The following RBMS1 variants were observed in gnomAD, a reference collection of about 807,000 sequenced individuals.
RBMS1 encodes the protein RNA binding motif single stranded interacting protein 1.
Under a neutral mutation model 62.3 loss-of-function variants are expected in RBMS1, and 17 were observed. That is an observed-to-expected ratio of 0.27 (90% confidence interval 0.19 to 0.41). RBMS1 has a LOEUF of 0.41. RBMS1 is among the 10% of genes least tolerant of loss of function. The pLI, the probability that RBMS1 is intolerant of heterozygous loss-of-function variation, is 1.00. For synonymous variants in RBMS1, 172 were observed against 170.0 expected, an observed-to-expected ratio of 1.01 and a Z score of -0.09; for missense variants, 334 against 504.5, an observed-to-expected ratio of 0.66 and a Z score of 3.24.
chr2:160,443,886 TGTACTTGTA>T (rs931898009), intron 1 of RBMS1, among the ~76,000 whole-genome samples: 2 of 152,248 alleles, frequency 1.3e-5, no homozygotes, highest in Non-Finnish European at 2.9e-5. Context: ...GTAGAGTTTC[TGTACTTGTA>T]GTACTTGTAC....
intron 2 of RBMS1, among the ~76,000 whole-genome samples, chr2:160,327,288 A>AAT (rs1320227692): frequency 1.3e-5 from 2 of 152,194 alleles, no homozygotes; most frequent in Non-Finnish European, 2.9e-5. Context: ...CATTCCTGTT[A>AAT]ATGTCTTACC....
chr2:160,410,091 G>A (rs1346529993), intron 1 of RBMS1, among the ~76,000 whole-genome samples: 1 of 150,962 alleles, frequency 6.6e-6, no homozygotes, highest in Non-Finnish European at 1.5e-5. Context: ...GCATAGTGGC[G>A]GGCGCCTGTA....
chr2:160,439,509 G>A (rs1683300660), intron 1 of RBMS1, among the ~76,000 whole-genome samples: 2 of 151,922 alleles, frequency 1.3e-5, no homozygotes, highest in African/African-American at 4.8e-5. Context: ...CGGCCGGGAG[G>A]AGGCGCTCCT....
chr2:160,364,871 A>C (rs937989473), intron 2 of RBMS1, among the ~76,000 whole-genome samples: 1 of 152,104 alleles, frequency 6.6e-6, no homozygotes, highest in East Asian at 1.9e-4. Context: ...TACCCCCCTA[A>C]TTCAGCCTCA....
intron 1 of RBMS1, among the ~76,000 whole-genome samples, chr2:160,472,456 A>T (rs1684961685): frequency 6.6e-6 from 1 of 152,198 alleles, no homozygotes; most frequent in Non-Finnish European, 1.5e-5. Context: ...CCGAGCTATA[A>T]CTATAAAATT....
intron 1 of RBMS1, among the ~76,000 whole-genome samples, chr2:160,368,260 C>T (rs755723985): frequency 1.1e-4 from 16 of 152,192 alleles, no homozygotes; most frequent in Non-Finnish European, 1.8e-4. Context: ...ACAGCAAACG[C>T]GCAGCAATTT....
Position 160,272,606 on chromosome 2 carries a change from A to T in RBMS1, c.*2166T>A, listed in dbSNP as rs1308126658. The stretch of plus-strand genomic sequence containing the variant: ...AACCGAGCTATCAAATTTCTGTCTT[A>T]ACTAATGCAAAAATATCAAGTAGTG... On this transcript the variant is annotated 3_prime_UTR_variant, in exon 14 of 14. Coordinates refer to ENST00000348849, the MANE Select transcript of RBMS1 (RefSeq NM_016836.4). The T allele has an allele frequency of 6.6e-6, 1 of 152,120 alleles. No individual in the cohort carries two copies. Among genetic ancestry groups the T allele is most frequent in the Non-Finnish European group, 1.5e-5 (1 of 68,024 alleles). 9.4% of individuals were successfully genotyped at this position (152,120 alleles called of 1,614,324 possible).
Position 160,434,960 on chromosome 2 carries a change from C to G in RBMS1, c.75+58329G>C, listed in dbSNP as rs73008321. On this transcript the variant is annotated intron_variant, in intron 1 of 13. Transcript: ENST00000348849. ...AGAATCCCAGGGCAGAAAAGACAAG[C>G]CCGACCCTGAGTCCTATTGTTACTG... 7.0e-3 allele frequency among the ~76,000 whole-genome samples: 1,067 copies of G among 152,244 alleles called. 12 individuals carry two copies. Among genetic ancestry groups the G allele is most frequent in the African/African-American group, 0.022 (933 of 41,546 alleles).
At chr2:160,473,142 C>A (rs912126714) in intron 1 of RBMS1, among the ~76,000 whole-genome samples, 10 of 152,276 alleles carry the variant, frequency 6.6e-5, no homozygotes, top group African/African-American at 2.4e-4. Flanking sequence ...ACATTGTTTG[C>A]CTTGATTAGT....
intron 1 of RBMS1, among the ~76,000 whole-genome samples, chr2:160,451,239 A>G (rs1033804751): frequency 1.3e-5 from 2 of 152,148 alleles, no homozygotes; most frequent in Non-Finnish European, 2.9e-5. Context: ...TAATTGTCAA[A>G]GAAACACTCA....
At chr2:160,411,867 G>A (rs1240329397) in intron 1 of RBMS1, among the ~76,000 whole-genome samples, 1 of 152,228 alleles carries the variant, frequency 6.6e-6, no homozygotes, top group Non-Finnish European at 1.5e-5. Flanking sequence ...TAGGCAAGGG[G>A]AGGGCATTTT....
intron 1 of RBMS1, among the ~76,000 whole-genome samples, chr2:160,400,757 GTTA>G (rs1366588537): frequency 1.3e-5 from 2 of 152,080 alleles, no homozygotes; most frequent in Non-Finnish European, 2.9e-5. Context: ...AAAATTTTAA[GTTA>G]TTAAGTTAAA....
intron 1 of RBMS1, chr2:160,407,780 C>G (rs1339761900): frequency 1.0e-6 from 1 of 981,176 alleles, no homozygotes; most frequent in African/African-American, 1.8e-5. Flanking sequence ...CTCGGGCAGC[C>G]GCCGCCCTGC....
intron 10 of RBMS1, 129 bp downstream of exon 10, chr2:160,281,185 G>T: frequency 1.8e-6 from 1 of 552,218 alleles, no homozygotes. Flanking sequence ...TAATGAAATT[G>T]TACATTCTCA....
Position 160,285,055 on chromosome 2 carries a change from G to C in RBMS1, c.757-11C>G, listed in dbSNP as rs1688302495. On this transcript the variant is annotated splice_polypyrimidine_tract_variant and intron_variant, in intron 7 of 13. Transcript: ENST00000348849. ...AAGTGTCATTCCAGCCTATGGGAAA[G>C]AGAAAGAAATATAAACATTCATCTA... The C allele has an allele frequency of 1.9e-6, 3 of 1,609,124 alleles. No homozygotes were observed. In the East Asian group the frequency reaches 6.7e-5, roughly 36 times the overall value.
intron 2 of RBMS1, among the ~76,000 whole-genome samples, chr2:160,360,413 C>T (rs1693061400): frequency 6.6e-6 from 1 of 152,166 alleles, no homozygotes; most frequent in African/African-American, 2.4e-5. Context: ...CTCTTCTACT[C>T]CAACAGCTAA....
Position 160,493,730 on chromosome 2 carries a change from G to A in RBMS1, c.-367C>T. On this transcript the variant is annotated 5_prime_UTR_variant, in exon 1 of 14. Coordinates refer to ENST00000348849, the MANE Select transcript of RBMS1 (RefSeq NM_016836.4). ...GGCCGCGGTCCGCTCGGGCGAGCCG[G>A]CTGCGCGGGGCTGAGAGGTGATCAA... 1 of 340,430 alleles carries A rather than the reference G, an allele frequency of 2.9e-6. No individual in the cohort carries two copies. The allele number at this position is 340,430 out of a possible 1,614,324, so 21.1% of individuals were successfully genotyped here. A position where few individuals can be genotyped will look rare whatever the true frequency, so the allele number is the denominator to read the frequency against.
chr2:160,434,158 TATAAA>T (rs904478413), intron 1 of RBMS1, among the ~76,000 whole-genome samples: 33 of 152,300 alleles, frequency 2.2e-4, no homozygotes, highest in African/African-American at 7.7e-4. Context: ...AGGAGCTTGT[TATAAA>T]ATAAAACGTT....
chr2:160,403,557 A>G (rs1262362972), intron 1 of RBMS1, among the ~76,000 whole-genome samples: 2 of 152,238 alleles, frequency 1.3e-5, no homozygotes, highest in African/African-American at 4.8e-5. Flanking sequence ...AGAAGGCAGT[A>G]AACTATGTAA....
Sources: gnomAD v4.1 joint callset for allele counts (sites outside exome capture counted in the v4.1 genomes callset) on GRCh38, gnomAD v4.1.1 for gene constraint, MANE v1.5 for transcripts, NCBI Gene and HGNC (gene_info 2026-07-23, HGNC 2026-07-21) for gene names.